The following TMCO5A variants were observed in gnomAD, a reference collection of about 807,000 sequenced individuals.
TMCO5A encodes transmembrane and coiled-coil domains 5A, also known as transmembrane and coiled-coil domain-containing protein 5A.
TMCO5A carries 34 observed loss-of-function variants against 42.3 expected under a neutral mutation model. The ratio of observed to expected loss-of-function variants is 0.80; its 90% confidence interval spans 0.61 to 1.07. TMCO5A has a LOEUF of 1.07. TMCO5A is among the 50% of genes least tolerant of loss of function. TMCO5A has a pLI of 0.00. For missense variants in TMCO5A, 357 were observed against 327.9 expected (o/e 1.09, Z -0.69); for synonymous variants, 131 against 115.6 (o/e 1.13, Z -0.86).
the TMCO5A span, among the ~76,000 whole-genome samples, chr15:38,006,118 A>G: frequency 1.3e-5 from 2 of 152,226 alleles, no homozygotes; most frequent in African/African-American, 4.8e-5. Flanking sequence ...CAGTTCCCCT[A>G]GAAACAAGAG....
chr15:37,951,068 T>G lies in TMCO5A; in HGVS notation c.701T>G (p.Phe234Cys), dbSNP rs756622710. The G allele has an allele frequency of 3.4e-5, 55 of 1,612,690 alleles. No homozygotes were observed. Among genetic ancestry groups the G allele is most frequent in the Non-Finnish European group, 4.2e-5 (50 of 1,179,860 alleles). The change falls in exon 12 of 12, where the codon TTT becomes TGT. Residue 234 changes from phenylalanine to cysteine, a missense_variant. Phe to Cys is a radical substitution (Grantham distance 205). Coordinates refer to ENST00000319669, the MANE Select transcript of TMCO5A (RefSeq NM_152453.4). ...TGCTGTCTCTTTTTCATCACCCTAT[T>G]TTTCATCAGACTGCTGAGCTACATG... ...IFCCLFFITL[F>C]FIRLLSYMFF...
At chr15:37,996,820 C>T in the TMCO5A span, among the ~76,000 whole-genome samples, 3 of 152,242 alleles carry the variant, frequency 2.0e-5, no homozygotes, top group South Asian at 2.1e-4. Context: ...AGCTTGATGA[C>T]GCCTGTGATT....
the TMCO5A span, among the ~76,000 whole-genome samples, chr15:37,981,811 G>C: frequency 3.3e-5 from 5 of 152,194 alleles, no homozygotes; most frequent in African/African-American, 1.2e-4. Context: ...CTGTTGGCTG[G>C]CTGGCTTGCT....
chr15:38,032,726 C>T, the TMCO5A span, among the ~76,000 whole-genome samples: 1 of 152,130 alleles, frequency 6.6e-6, no homozygotes, highest in East Asian at 1.9e-4. Flanking sequence ...CTCAGCAAAC[C>T]AAGGGTAGCA....
chr15:38,030,353 G>A, the TMCO5A span, among the ~76,000 whole-genome samples: 6 of 152,198 alleles, frequency 3.9e-5, no homozygotes, highest in South Asian at 2.1e-4. Context: ...CTTCTTCATC[G>A]CCCAACAGAA....
chr15:38,018,845 C>T, the TMCO5A span, among the ~76,000 whole-genome samples: 1 of 151,822 alleles, frequency 6.6e-6, no homozygotes, highest in Non-Finnish European at 1.5e-5. Flanking sequence ...AGAAACACAA[C>T]AATTTATGCA....
intron 11 of TMCO5A, among the ~76,000 whole-genome samples, chr15:37,966,263 C>A (rs1166138909): frequency 6.7e-6 from 1 of 149,966 alleles, no homozygotes; most frequent in African/African-American, 2.4e-5. Flanking sequence ...AGGATGATGG[C>A]AGGGAGGTGA....
intron 11 of TMCO5A, among the ~76,000 whole-genome samples, chr15:37,956,910 T>C (rs752688198): frequency 7.9e-5 from 12 of 152,182 alleles, no homozygotes; most frequent in Non-Finnish European, 1.6e-4. Flanking sequence ...GTTGGCTTCA[T>C]CCCTGGGATG....
intron 11 of TMCO5A, among the ~76,000 whole-genome samples, chr15:37,949,943 G>A (rs1177089284): frequency 2.6e-5 from 4 of 152,120 alleles, no homozygotes; most frequent in Non-Finnish European, 5.9e-5. Context: ...ATATTTCCAA[G>A]GTAACTAACT....
At chr15:37,994,033 G>A in the TMCO5A span, among the ~76,000 whole-genome samples, 4 of 152,138 alleles carry the variant, frequency 2.6e-5, no homozygotes, top group African/African-American at 9.7e-5. Context: ...CAGAATCCTC[G>A]ACTTAATCTA....
chr15:38,001,440 T>G, the TMCO5A span, among the ~76,000 whole-genome samples: 2 of 151,588 alleles, frequency 1.3e-5, no homozygotes, highest in East Asian at 1.9e-4. Context: ...GATCTTGTTT[T>G]TTTTTTTTTT....
downstream of TMCO5A, among the ~76,000 whole-genome samples, chr15:37,971,816 C>T (rs1471220262): frequency 6.6e-6 from 1 of 152,184 alleles, no homozygotes; most frequent in East Asian, 1.9e-4. Flanking sequence ...CCAACAAGTT[C>T]CTCATCTCCA....
the TMCO5A span, among the ~76,000 whole-genome samples, chr15:38,035,950 C>G: frequency 6.6e-6 from 1 of 152,140 alleles, no homozygotes; most frequent in East Asian, 1.9e-4. Flanking sequence ...ATGTACCACC[C>G]TATTTCCCTT....
the TMCO5A span, among the ~76,000 whole-genome samples, chr15:38,016,856 G>A: frequency 6.6e-6 from 1 of 152,060 alleles, no homozygotes; most frequent in South Asian, 2.1e-4. Context: ...AAAGAATAAA[G>A]TTTGTTGTTG....
At chr15:38,022,552 A>G in the TMCO5A span, among the ~76,000 whole-genome samples, 1 of 152,204 alleles carries the variant, frequency 6.6e-6, no homozygotes, top group Admixed American at 6.5e-5. Flanking sequence ...AAAATACTCT[A>G]TATGATACTA....
chr15:38,018,581 A>G, the TMCO5A span, among the ~76,000 whole-genome samples: 1 of 152,240 alleles, frequency 6.6e-6, no homozygotes, highest in South Asian at 2.1e-4. Flanking sequence ...AGAGATGTAA[A>G]TGATTAAAGA....
At chr15:37,941,582 AGGAC>A in intron 7 of TMCO5A, 85 bp from the exon 8 acceptor site, 6 of 946,048 alleles carry the variant, frequency 6.3e-6, no homozygotes, top group Non-Finnish European at 1.0e-5. Context: ...AACCACATTT[AGGAC>A]CTGGGACCCA....
chr15:37,950,880 G>T (rs1307386901), intron 11 of TMCO5A, among the ~76,000 whole-genome samples, 156 bp from the exon 12 acceptor site: 1 of 152,114 alleles, frequency 6.6e-6, no homozygotes, highest in Non-Finnish European at 1.5e-5. Flanking sequence ...ACAGAATATG[G>T]GAGGGGGAGC....
intron 6 of TMCO5A, among the ~76,000 whole-genome samples, chr15:37,939,741 T>C (rs1184797344): frequency 6.6e-6 from 1 of 152,164 alleles, no homozygotes; most frequent in Non-Finnish European, 1.5e-5. Context: ...CTTTTGCTTC[T>C]GTTCCTCTGG....
Sources: gnomAD v4.1 joint callset for allele counts (sites outside exome capture counted in the v4.1 genomes callset) on GRCh38, gnomAD v4.1.1 for gene constraint, MANE v1.5 for transcripts, NCBI Gene and HGNC (gene_info 2026-07-23, HGNC 2026-07-21) for gene names.